XRCC4: variants seen among roughly 807,000 people sequenced by gnomAD.
XRCC4 encodes X-ray repair cross complementing 4, also known as DNA repair protein XRCC4.
Under a neutral mutation model 39.1 loss-of-function variants are expected in XRCC4, and 28 were observed. That is an observed-to-expected ratio of 0.72 (90% CI 0.53 to 0.98). The LOEUF is 0.98. XRCC4 is among the 50% of genes least tolerant of loss of function. The pLI is 0.00. For synonymous variants in XRCC4, 123 were observed against 126.4 expected (o/e 0.97, Z 0.18); for missense variants, 350 against 376.4 (o/e 0.93, Z 0.58).
chr5:83,130,417 G>C (rs1747510741), intron 3 of XRCC4, among the ~76,000 whole-genome samples: 1 of 152,116 alleles, frequency 6.6e-6, no homozygotes, highest in South Asian at 2.1e-4. Context: ...AGGGATATTG[G>C]TCTAAAATTG....
At chr5:83,298,272 A>G (rs1402669270) in intron 7 of XRCC4, among the ~76,000 whole-genome samples, 1 of 151,184 alleles carries the variant, frequency 6.6e-6, no homozygotes, top group African/African-American at 2.4e-5. Flanking sequence ...TTTTATATAT[A>G]TATGTATTTT....
intron 6 of XRCC4, among the ~76,000 whole-genome samples, chr5:83,217,358 CAAAAAAAA>C (rs59416363): frequency 2.1e-4 from 20 of 96,148 alleles, no homozygotes; most frequent in African/African-American, 8.5e-4. Context: ...GACTCCGTCT[CAAAAAAAA>C]AAAAAAAAAA....
intron 1 of XRCC4, among the ~76,000 whole-genome samples, chr5:83,097,049 G>T (rs946187871): frequency 6.6e-6 from 1 of 152,072 alleles, no homozygotes; most frequent in Non-Finnish European, 1.5e-5. Flanking sequence ...ATAACCCAAG[G>T]GTTATACTCA....
intron 4 of XRCC4, among the ~76,000 whole-genome samples, chr5:83,196,470 A>G (rs1750951887): frequency 6.6e-6 from 1 of 151,994 alleles, no homozygotes; most frequent in African/African-American, 2.4e-5. Flanking sequence ...TTTTATTTTT[A>G]TGGCTTTGCC....
chr5:83,249,157 C>A (rs564849369), intron 6 of XRCC4, among the ~76,000 whole-genome samples: 13 of 152,090 alleles, frequency 8.5e-5, no homozygotes, highest in Non-Finnish European at 1.8e-4. Context: ...TAAAAATAAA[C>A]CTTTACAGAA....
intron 1 of XRCC4, among the ~76,000 whole-genome samples, chr5:83,097,869 A>G (rs1011981): frequency 0.41 from 62,942 of 151,892 alleles, 13,557 homozygotes; most frequent in African/African-American, 0.49. Context: ...TTTATTTGTA[A>G]TCAAGAGTGG....
At position 83,102,988 on chromosome 5, in the gene XRCC4, G is replaced by A. The variant is rs535147352; in HGVS notation, c.-10-1922G>A. 3.0e-4 allele frequency among the ~76,000 whole-genome samples: 30 copies of A among 99,646 alleles called. No homozygotes were observed. The East Asian group carries it at 7.6e-3, about 25-fold the overall frequency. The allele number at this position is 99,646 out of a possible 152,430, so 65.4% of individuals were successfully genotyped here. A position where few individuals can be genotyped will look rare whatever the true frequency, so the allele number is the denominator to read the frequency against. Reference sequence around the variant, plus strand: ...ATCCTGTTAGTTGCTATATTCATAGGGTTCCAGTAAAGATAGAGCTGATAT... The same window carrying A: ...ATCCTGTTAGTTGCTATATTCATAGAGTTCCAGTAAAGATAGAGCTGATAT... On this transcript the variant is annotated intron_variant, in intron 1 of 7. Transcript: ENST00000396027.
intron 6 of XRCC4, among the ~76,000 whole-genome samples, chr5:83,257,750 C>T (rs948930820): frequency 6.6e-6 from 1 of 152,120 alleles, no homozygotes; most frequent in Non-Finnish European, 1.5e-5. Context: ...ATGTTTATTG[C>T]AGCTCTATTT....
intron 3 of XRCC4, among the ~76,000 whole-genome samples, chr5:83,181,135 G>T (rs1750187906): frequency 7.2e-6 from 1 of 138,460 alleles, no homozygotes. Flanking sequence ...TTCAATTTTA[G>T]ATATTATCTA....
At chr5:83,297,698 AT>A (rs1700316693) in intron 7 of XRCC4, among the ~76,000 whole-genome samples, 1 of 151,956 alleles carries the variant, frequency 6.6e-6, no homozygotes, top group Non-Finnish European at 1.5e-5. Context: ...TGACTTAAGT[AT>A]AATAGTAGGC....
At chr5:83,369,155 A>G in the XRCC4 span, among the ~76,000 whole-genome samples, 2 of 152,210 alleles carry the variant, frequency 1.3e-5, no homozygotes, top group South Asian at 4.1e-4. Flanking sequence ...TAGGATTGCA[A>G]AAGCAATGAT....
At chr5:83,246,158 A>G (rs995605714) in intron 6 of XRCC4, among the ~76,000 whole-genome samples, 2 of 151,998 alleles carry the variant, frequency 1.3e-5, no homozygotes, top group Non-Finnish European at 2.9e-5. Flanking sequence ...CTATCTATGT[A>G]TCTATTCATC....
At chr5:83,184,688 T>C (rs1750357012) in intron 3 of XRCC4, among the ~76,000 whole-genome samples, 1 of 152,150 alleles carries the variant, frequency 6.6e-6, no homozygotes, top group Non-Finnish European at 1.5e-5. Flanking sequence ...CAGTATTTGC[T>C]TACTCACTGT....
intron 3 of XRCC4, among the ~76,000 whole-genome samples, chr5:83,131,245 G>T (rs1278340478): frequency 6.6e-6 from 1 of 152,158 alleles, no homozygotes; most frequent in Non-Finnish European, 1.5e-5. Context: ...TCATTCAGGG[G>T]CAGGTTGTTC....
intron 6 of XRCC4, among the ~76,000 whole-genome samples, chr5:83,253,019 A>G (rs1266488523): frequency 2.0e-5 from 3 of 152,206 alleles, no homozygotes; most frequent in Non-Finnish European, 2.9e-5. Flanking sequence ...AGTGATTCAA[A>G]CTGTAAGTCC....
At chr5:83,193,445 T>G (rs997405201) in intron 3 of XRCC4, among the ~76,000 whole-genome samples, 37 of 152,348 alleles carry the variant, frequency 2.4e-4, no homozygotes, top group African/African-American at 8.7e-4. Flanking sequence ...TGTATACTTT[T>G]AAGAAGAAAT....
intron 7 of XRCC4, among the ~76,000 whole-genome samples, chr5:83,279,323 A>C (rs1004789801): frequency 7.2e-5 from 11 of 151,926 alleles, no homozygotes; most frequent in African/African-American, 1.7e-4. Context: ...TTAGCTCTGG[A>C]TCCATCACCA....
chr5:83,137,716 G>A, intron 3 of XRCC4, among the ~76,000 whole-genome samples: 1 of 152,060 alleles, frequency 6.6e-6, no homozygotes, highest in East Asian at 1.9e-4. Context: ...ACTGGCCTTA[G>A]GAGGTGGTTG....
rs1755767327 is a variant in XRCC4, at chr5:83,313,243, T to C, written c.894-39888T>C. Reference sequence around the variant, plus strand: ...TTGCTGCTATTAACTTTCTTACGTATCCTTTAGAAAGCACTTTTCTGACAT... The same window carrying C: ...TTGCTGCTATTAACTTTCTTACGTACCCTTTAGAAAGCACTTTTCTGACAT... On this transcript the variant is annotated intron_variant, in intron 7 of 7. Transcript: ENST00000396027. Among the ~76,000 whole-genome samples the C allele has an allele frequency of 2.0e-5, 3 of 152,218 alleles. No homozygotes were observed. In the South Asian group the frequency reaches 6.2e-4, roughly 32 times the overall value.
Sources: gnomAD v4.1 joint callset for allele counts (sites outside exome capture counted in the v4.1 genomes callset) on GRCh38, gnomAD v4.1.1 for gene constraint, MANE v1.5 for transcripts, NCBI Gene and HGNC (gene_info 2026-07-23, HGNC 2026-07-21) for gene names.